Variants in PTPRS observed in about 807,000 individuals in gnomAD.
PTPRS encodes receptor-type tyrosine-protein phosphatase S.
A neutral mutation model predicts 215.3 loss-of-function variants in PTPRS; 63 were observed. The ratio of observed to expected loss-of-function variants is 0.29; its 90% confidence interval spans 0.24 to 0.36. PTPRS has a LOEUF of 0.36. PTPRS is among the 10% of genes least tolerant of loss of function. The probability of loss-of-function intolerance (pLI) is 1.00; values close to 1 mark genes in which losing one functional copy is unlikely to be tolerated. For missense variants in PTPRS, 2,258 were observed against 2,825.8 expected (o/e 0.80, Z 4.56); for synonymous variants, 1,404 against 1,191.4 (o/e 1.18, Z -3.68).
Position 5,267,390 on chromosome 19 carries a change from C to G in PTPRS, c.380-2194G>C, listed in dbSNP as rs560106725. On this transcript the variant is annotated intron_variant, in intron 4 of 37. Coordinates refer to ENST00000262963, the MANE Select transcript of PTPRS (RefSeq NM_002850.4). ...AACCAAGATGGGCCGGCCGTGGGGG[C>G]TCACACCTGTAATCCCAGCACTTTG... 7.9e-5 allele frequency among the ~76,000 whole-genome samples: 12 copies of G among 152,242 alleles called. No individual in the cohort carries two copies. The South Asian group carries it at 1.9e-3, about 24-fold the overall frequency.
At chr19:5,219,643 TC>T (rs2145292301) in intron 22 of PTPRS, among the ~76,000 whole-genome samples, 176 bp from the exon 23 acceptor site, 1 of 152,226 alleles carries the variant, frequency 6.6e-6, no homozygotes, top group Non-Finnish European at 1.5e-5. Context: ...CTCTCCCCAT[TC>T]CCTTCTCTGC....
rs200304079 is a variant in PTPRS, at chr19:5,244,409, C to G, written c.1062G>C (p.Ser354=). 1.3e-4 allele frequency: 213 copies of G among 1,614,034 alleles called. No homozygotes were observed. The highest frequency in any genetic ancestry group is 1.7e-4 in the Non-Finnish European group (200 of 1,180,018). ...TATSITITWD[S]GNPDPVSYYV... ...AATAGGACACAGGATCTGGGTTGCC[C>G]GAGTCCCACGTGATGGTGATGCTGG... Residue 354 remains serine (S), a synonymous_variant, in exon 11 of 38, where the codon TCG becomes TCC. Coordinates refer to ENST00000262963, the MANE Select transcript of PTPRS (RefSeq NM_002850.4). This position sits in a 1 kb window ranked among gnomAD's most constrained non-coding sequence, Gnocchi z 7.2.
chr19:5,238,062 G>A lies in PTPRS; in HGVS notation c.1849+857C>T, dbSNP rs539839396. On this transcript the variant is annotated intron_variant, in intron 13 of 37. Transcript: ENST00000262963. The stretch of plus-strand genomic sequence containing the variant: ...CCGTGACTGACTGGGTGAAGGGAGG[G>A]AAGAGGGGGAAGCAGGGGGAGGCCA... Among the ~76,000 whole-genome samples, 7 of 152,334 alleles carry A rather than the reference G, an allele frequency of 4.6e-5. No homozygotes were observed. In the South Asian group the frequency reaches 1.4e-3, roughly 32 times the overall value.
chr19:5,299,741 G>A (rs1483866856), intron 1 of PTPRS, among the ~76,000 whole-genome samples: 1 of 152,082 alleles, frequency 6.6e-6, no homozygotes, highest in African/African-American at 2.4e-5. Flanking sequence ...GCATGGTGGT[G>A]CGCACCTGTA....
At chr19:5,234,352 G>A (rs1042921607) in intron 13 of PTPRS, among the ~76,000 whole-genome samples, 5 of 151,928 alleles carry the variant, frequency 3.3e-5, no homozygotes, top group African/African-American at 4.8e-5. Flanking sequence ...TAATAAAAGT[G>A]CCTGTTTATT....
intron 11 of PTPRS, among the ~76,000 whole-genome samples, chr19:5,242,584 G>A (rs1182157248): frequency 6.0e-5 from 9 of 149,408 alleles, no homozygotes; most frequent in Middle Eastern, 3.4e-3. Context: ...TTGTCATGTT[G>A]GCCAGGCTGT....
intron 7 of PTPRS, among the ~76,000 whole-genome samples, chr19:5,260,372 G>T (rs2045892732): frequency 6.6e-6 from 1 of 152,024 alleles, no homozygotes; most frequent in South Asian, 2.1e-4. Flanking sequence ...TAGAGATGGG[G>T]TTTGACCATG....
chr19:5,231,602 G>A lies in PTPRS; in HGVS notation c.1863C>T (p.Pro621=), dbSNP rs762840667. The change falls in exon 14 of 38, where the codon CCC becomes CCT. Residue 621 remains proline (P), a synonymous_variant. Transcript: ENST00000262963. ...QRTLQSKPSA[P]PQDVKCVSVR... ...CGCTGACACATTTAACGTCTTGAGG[G>A]GGGGCTGACGGTTCTATTGGAGGGG... 7 of 1,439,800 alleles carry A rather than the reference G, an allele frequency of 4.9e-6. No individual in the cohort carries two copies. Among genetic ancestry groups the A allele is most frequent in the Non-Finnish European group, 5.5e-6 (6 of 1,086,516 alleles). 89.2% of individuals were successfully genotyped at this position (1,439,800 alleles called of 1,614,324 possible).
intron 2 of PTPRS, among the ~76,000 whole-genome samples, chr19:5,281,069 G>A (rs1238499891): frequency 6.6e-6 from 1 of 151,764 alleles, no homozygotes; most frequent in African/African-American, 2.4e-5. Context: ...TGGGATTACA[G>A]GTATGAGGCG....
intron 1 of PTPRS, among the ~76,000 whole-genome samples, chr19:5,340,275 A>ACGCGCGCCCCCCTC (rs2050649254): frequency 6.7e-6 from 1 of 148,564 alleles, no homozygotes; most frequent in Admixed American, 6.7e-5. Flanking sequence ...CTCCGCACAC[A>ACGCGCGCCCCCCTC]CGCGCGCCCC....
At position 5,272,595 on chromosome 19, in the gene PTPRS, C is replaced by CAAAAAAAA. The variant is rs10527451; in HGVS notation, c.379+839_379+846dup. On this transcript the variant is annotated intron_variant, in intron 4 of 37. Transcript: ENST00000262963. ...CCAGCGCAACAAAGCAAGACTGTCT[C>CAAAAAAAA]AAAAAAAAAAAAAAAAAAAAAAAAA... Among the ~76,000 whole-genome samples, 126 of 73,428 alleles carry CAAAAAAAA rather than the reference C, an allele frequency of 1.7e-3. 3 individuals are homozygous for CAAAAAAAA. The highest frequency in any genetic ancestry group is 2.3e-3 in the Non-Finnish European group (87 of 37,998). 48.2% of individuals were successfully genotyped at this position (73,428 alleles called of 152,430 possible).
chr19:5,337,972 C>T (rs1446069088), intron 1 of PTPRS, among the ~76,000 whole-genome samples: 1 of 152,172 alleles, frequency 6.6e-6, no homozygotes, highest in African/African-American at 2.4e-5. Flanking sequence ...CTGTCGCCAC[C>T]TCACGCAGAC....
chr19:5,322,083 C>T (rs2050038066), intron 1 of PTPRS, among the ~76,000 whole-genome samples: 1 of 152,212 alleles, frequency 6.6e-6, no homozygotes, highest in Admixed American at 6.5e-5. Flanking sequence ...ACACAGCCGG[C>T]AAGAGGCAGC....
intron 1 of PTPRS, 82 bp from the exon 2 acceptor site, chr19:5,286,316 T>A: frequency 1.5e-6 from 1 of 676,016 alleles, no homozygotes; most frequent in Non-Finnish European, 2.6e-6. Context: ...GAGGGTCACA[T>A]GGAGCAGGGG....
In PTPRS at chr19:5,219,427, T is replaced by C. The variant is rs1221129890; in HGVS notation, c.3806A>G (p.Asp1269Gly). The change falls in exon 23 of 38, where the codon GAT becomes GGT. Residue 1269 changes from aspartate to glycine, a missense_variant. Physicochemically the swap from Asp to Gly is moderately conservative, Grantham distance 94. Transcript: ENST00000262963. ...CACGATGGGCTGGGGGTCCGGGTTA[T>C]CCAGCTGGAAGGGGTCTGAGAAGGG... ...ASPFSDPFQLDNPDPQPIVDG... is the reference protein window; with the variant it reads ...ASPFSDPFQLGNPDPQPIVDG... 6.2e-7 allele frequency: 1 copy of C among 1,611,054 alleles called. No individual in the cohort carries two copies. The highest frequency in any genetic ancestry group is 8.5e-7 in the Non-Finnish European group (1 of 1,178,580).
chr19:5,208,327 T>C lies in PTPRS; in HGVS notation c.5552A>G (p.Lys1851Arg). 5 of 1,613,972 alleles carry C rather than the reference T, an allele frequency of 3.1e-6. No individual in the cohort carries two copies. Among genetic ancestry groups the C allele is most frequent in the Non-Finnish European group, 4.2e-6 (5 of 1,179,882 alleles). Residue 1851 changes from lysine (K) to arginine (R), a missense_variant, in exon 36 of 38, where the codon AAG (lysine) becomes AGG (arginine). By Grantham distance (26) the Lys-to-Arg change is conservative. Transcript: ENST00000262963. ...FTDWPEQGVP[K>R]SGEGFIDFIG... ...GAAGTCGATGAAGCCCTCCCCCGACTTTGGCACACCCTGTTCCGGCCAGTC... is the reference window on the plus strand; with the variant it reads ...GAAGTCGATGAAGCCCTCCCCCGACCTTGGCACACCCTGTTCCGGCCAGTC...
intron 37 of PTPRS, among the ~76,000 whole-genome samples, chr19:5,207,090 TTTTA>T (rs1285939717): frequency 2.0e-5 from 3 of 152,098 alleles, no homozygotes; most frequent in South Asian, 2.1e-4. Context: ...ATCTTTTCTT[TTTTA>T]TTTATTTTGA....
At chr19:5,309,031 G>A (rs939088564) in intron 1 of PTPRS, among the ~76,000 whole-genome samples, 1 of 152,182 alleles carries the variant, frequency 6.6e-6, no homozygotes, top group Non-Finnish European at 1.5e-5. Context: ...AGCCTGCCTG[G>A]CACTAGGCCC....
At chr19:5,281,854 G>C (rs1445183645) in intron 2 of PTPRS, among the ~76,000 whole-genome samples, 1 of 152,206 alleles carries the variant, frequency 6.6e-6, no homozygotes, top group Non-Finnish European at 1.5e-5. Flanking sequence ...CAGCAAGCAA[G>C]ACCGGGCGGG....
Sources: gnomAD v4.1 joint callset for allele counts (sites outside exome capture counted in the v4.1 genomes callset) on GRCh38, gnomAD v4.1.1 for gene constraint, Gnocchi (gnomAD v3.1) non-coding constraint, MANE v1.5 for transcripts, NCBI Gene and HGNC (gene_info 2026-07-23, HGNC 2026-07-21) for gene names.